The following CIMAP2 variants were observed in gnomAD, a reference collection of about 807,000 sequenced individuals.
CIMAP2 encodes the protein ciliary microtubule-associated protein 2.
the CIMAP2 span, among the ~76,000 whole-genome samples, chr1:54,825,507 G>A: frequency 1.3e-5 from 2 of 152,174 alleles, no homozygotes; most frequent in Non-Finnish European, 2.9e-5. Flanking sequence ...CTTAGGCTGT[G>A]GTTGTTAGGA....
chr1:54,820,120 T>TTCTTTCTCTC, the CIMAP2 span, among the ~76,000 whole-genome samples: 1 of 27,642 alleles, frequency 3.6e-5, no homozygotes, highest in Non-Finnish European at 8.5e-5. Context: ...CTCTCTTTCT[T>TTCTTTCTCTC]TCTTTCTTTC....
At chr1:54,842,024 G>A in the CIMAP2 span, 9 of 742,308 alleles carry the variant, frequency 1.2e-5, 1 homozygote, top group South Asian at 9.2e-5. Flanking sequence ...GATCACCTTT[G>A]CCAGAGCTGC....
At chr1:54,841,058 A>G in the CIMAP2 span, among the ~76,000 whole-genome samples, 1 of 152,192 alleles carries the variant, frequency 6.6e-6, no homozygotes, top group Non-Finnish European at 1.5e-5. Context: ...GAATGGAGAG[A>G]CAGGAGGTGT....
chr1:54,811,765 G>GCCGGGGGGGGGCGCCCCCCCCCCCC, the CIMAP2 span: 2 of 1,301,330 alleles, frequency 1.5e-6, no homozygotes, highest in Non-Finnish European at 2.2e-6. Context: ...GGTTCTGACA[G>GCCGGGGGGGGGCGCCCCCCCCCCCC]CCTCCATGCC....
At chr1:54,822,500 C>T in the CIMAP2 span, among the ~76,000 whole-genome samples, 14 of 151,264 alleles carry the variant, frequency 9.3e-5, no homozygotes, top group Admixed American at 3.3e-4. Context: ...TGCATTGTTA[C>T]GTTGTTTATT....
chr1:54,815,308 G>A, the CIMAP2 span, among the ~76,000 whole-genome samples: 6 of 152,238 alleles, frequency 3.9e-5, no homozygotes, highest in East Asian at 1.9e-4. Context: ...CAGTAGGCCT[G>A]GGTTGGGACA....
At chr1:54,811,765 G>GCCGGGGGGGGCCCCCCCCC in the CIMAP2 span, 8 of 1,301,318 alleles carry the variant, frequency 6.1e-6, no homozygotes, top group Non-Finnish European at 8.7e-6. Context: ...GGTTCTGACA[G>GCCGGGGGGGGCCCCCCCCC]CCTCCATGCC....
At chr1:54,826,862 G>T in the CIMAP2 span, among the ~76,000 whole-genome samples, 1 of 152,244 alleles carries the variant, frequency 6.6e-6, no homozygotes, top group African/African-American at 2.4e-5. Context: ...CATTCAACGT[G>T]TGGTTATCTA....
chr1:54,827,054 A>G, the CIMAP2 span, among the ~76,000 whole-genome samples: 2 of 152,270 alleles, frequency 1.3e-5, no homozygotes, highest in Non-Finnish European at 2.9e-5. Flanking sequence ...AAATCATATG[A>G]AATGAAACAC....
the CIMAP2 span, chr1:54,811,765 G>GCCGGGGGGGGGGGCGCCCCCC: frequency 7.7e-7 from 1 of 1,301,330 alleles, no homozygotes; most frequent in Non-Finnish European, 1.1e-6. Flanking sequence ...GGTTCTGACA[G>GCCGGGGGGGGGGGCGCCCCCC]CCTCCATGCC....
chr1:54,819,655 G>A, the CIMAP2 span, among the ~76,000 whole-genome samples: 2 of 152,160 alleles, frequency 1.3e-5, no homozygotes, highest in African/African-American at 4.8e-5. Flanking sequence ...ATAGACATGA[G>A]CCACTGTGCC....
At chr1:54,811,765 G>GCCGGGGGGGGGGGGGGGGCCCCCCCC in the CIMAP2 span, 10 of 1,301,318 alleles carry the variant, frequency 7.7e-6, no homozygotes, top group East Asian at 2.5e-5. Context: ...GGTTCTGACA[G>GCCGGGGGGGGGGGGGGGGCCCCCCCC]CCTCCATGCC....
the CIMAP2 span, among the ~76,000 whole-genome samples, chr1:54,823,107 T>G: frequency 6.6e-6 from 1 of 152,172 alleles, no homozygotes; most frequent in South Asian, 2.1e-4. Context: ...ATAGTGTAGA[T>G]TAAGTCTCAT....
the CIMAP2 span, chr1:54,812,262 G>A: frequency 1.9e-6 from 3 of 1,584,848 alleles, no homozygotes; most frequent in African/African-American, 4.0e-5. Context: ...TCAGCACCAG[G>A]AACACCAGCC....
the CIMAP2 span, among the ~76,000 whole-genome samples, chr1:54,829,090 G>A: frequency 1.3e-5 from 2 of 152,176 alleles, no homozygotes; most frequent in South Asian, 4.1e-4. Context: ...CGGAGGGCAG[G>A]GTTAACAGAT....
chr1:54,807,182 T>C, the CIMAP2 span: 1 of 1,284,556 alleles, frequency 7.8e-7, no homozygotes, highest in Non-Finnish European at 1.1e-6. Flanking sequence ...AGAAGGGGCG[T>C]ACTTTCTACC....
the CIMAP2 span, chr1:54,806,083 G>A: frequency 6.7e-7 from 1 of 1,493,454 alleles, no homozygotes; most frequent in Non-Finnish European, 8.9e-7. Flanking sequence ...GGTTGCCGTG[G>A]CAGCAGCGGA....
the CIMAP2 span, chr1:54,813,853 G>T: frequency 6.2e-7 from 1 of 1,612,710 alleles, no homozygotes; most frequent in Non-Finnish European, 8.5e-7. Flanking sequence ...CAAGAGCTTT[G>T]TAGAAGAACT....
At chr1:54,807,697 C>T in the CIMAP2 span, 8 of 1,579,320 alleles carry the variant, frequency 5.1e-6, no homozygotes, top group Admixed American at 1.5e-4. Flanking sequence ...GAAGGTGAGG[C>T]CTCTGGGGCC....
Sources: allele counts gnomAD v4.1 joint callset (sites outside exome capture counted in the v4.1 genomes callset), GRCh38; gene constraint gnomAD v4.1.1; transcripts MANE v1.5; gene names NCBI Gene and HGNC (gene_info 2026-07-23, HGNC 2026-07-21).